IKBIP: variants seen among roughly 807,000 people sequenced by gnomAD.
IKBIP encodes the protein inhibitor of nuclear factor kappa-B kinase-interacting protein.
In IKBIP, 28 loss-of-function variants were observed where a neutral mutation model predicts 31.0. That is an observed-to-expected ratio of 0.90 (90% CI 0.67 to 1.24). The LOEUF (loss-of-function observed/expected upper bound fraction) is 1.24. Ranked by LOEUF, IKBIP falls within the 50% of genes most tolerant of loss-of-function variation. IKBIP has a pLI of 0.00. For synonymous variants in IKBIP, 164 were observed against 160.3 expected (o/e 1.02, Z -0.17); for missense variants, 453 against 441.9 (o/e 1.03, Z -0.23).
chr12:98,634,756 C>T (rs1206509970), intron 1 of IKBIP, among the ~76,000 whole-genome samples: 2 of 149,474 alleles, frequency 1.3e-5, no homozygotes, highest in Non-Finnish European at 3.0e-5. Context: ...GTCGCCCAGG[C>T]TGGAGTGCAG....
intron 1 of IKBIP, among the ~76,000 whole-genome samples, chr12:98,636,247 G>T (rs116653418): frequency 2.1e-4 from 32 of 152,278 alleles, no homozygotes; most frequent in African/African-American, 7.7e-4. Flanking sequence ...CTGATGCCTG[G>T]GTCTCACAAA....
intron 1 of IKBIP, among the ~76,000 whole-genome samples, chr12:98,641,147 A>T (rs2097630046): frequency 6.6e-6 from 1 of 152,192 alleles, no homozygotes; most frequent in South Asian, 2.1e-4. Context: ...CTTTCCACAT[A>T]GGAAATGGTC....
At chr12:98,620,093 ATTTTTTT>A (rs772601870), downstream of IKBIP, among the ~76,000 whole-genome samples, 1 of 95,046 alleles carries the variant, frequency 1.1e-5, no homozygotes, top group Admixed American at 1.1e-4. Context: ...TAAGTTTTCT[ATTTTTTT>A]TTTTTTTTTT....
At chr12:98,643,392 G>A (rs1374592100) in intron 1 of IKBIP, among the ~76,000 whole-genome samples, 2 of 152,022 alleles carry the variant, frequency 1.3e-5, no homozygotes, top group Admixed American at 6.5e-5. Flanking sequence ...ATTAACAACA[G>A]TCTTACTAAA....
chr12:98,641,838 G>A (rs1243657373), intron 1 of IKBIP, among the ~76,000 whole-genome samples: 1 of 151,986 alleles, frequency 6.6e-6, no homozygotes, highest in Admixed American at 6.6e-5. Flanking sequence ...AAAATTTTTC[G>A]TAGACACGGT....
In IKBIP at chr12:98,614,208, T is replaced by C. The variant is rs770489195; in HGVS notation, c.430A>G (p.Asn144Asp). Residue 144 changes from asparagine to aspartate, a missense_variant, in exon 3 of 3, where the codon AAC becomes GAC. Transcript: ENST00000342502. ...TGAGAAAGCGTCGTCAGACTGTTGT[T>C]CAGTATATCCTGTTTTTCAGTTATC... 6.2e-6 allele frequency: 10 copies of C among 1,613,996 alleles called. No homozygotes were observed. The Admixed American group carries it at 1.7e-4, about 27-fold the overall frequency.
intron 2 of IKBIP, 77 bp downstream of exon 2, chr12:98,634,219 T>C (rs921478776): frequency 6.9e-6 from 5 of 726,720 alleles, no homozygotes; most frequent in Admixed American, 2.3e-5. Flanking sequence ...AAGAAAGAAG[T>C]TCTGAGCTGG....
chr12:98,616,171 G>C (rs757379801), intron 2 of IKBIP, among the ~76,000 whole-genome samples: 1 of 151,264 alleles, frequency 6.6e-6, no homozygotes, highest in Non-Finnish European at 1.5e-5. Flanking sequence ...TTGTCTTTTT[G>C]ATAATAAATA....
intron 2 of IKBIP, among the ~76,000 whole-genome samples, chr12:98,632,935 C>T (rs1247715755): frequency 6.6e-6 from 1 of 152,008 alleles, no homozygotes; most frequent in East Asian, 1.9e-4. Flanking sequence ...GCTCAGATTC[C>T]AATTTGAGCC....
Position 98,644,786 on chromosome 12 carries a change from C to G in IKBIP, c.-85G>C. On this transcript the variant is annotated 5_prime_UTR_variant, in exon 1 of 3. Coordinates refer to ENST00000299157, the MANE Select transcript of IKBIP (RefSeq NM_153687.4). Reference sequence around the variant, plus strand: ...TGGCCGCCTTGGCGTTCGTGGGAACCCTGGGCGGTGACCGCGCCCCCTCAC... The same window carrying G: ...TGGCCGCCTTGGCGTTCGTGGGAACGCTGGGCGGTGACCGCGCCCCCTCAC... The G allele has an allele frequency of 4.1e-6, 6 of 1,469,336 alleles. No homozygotes were observed. The Admixed American group carries it at 9.1e-5, about 22-fold the overall frequency. 91.0% of individuals were successfully genotyped at this position (1,469,336 alleles called of 1,614,324 possible).
intron 2 of IKBIP, among the ~76,000 whole-genome samples, chr12:98,632,452 A>G (rs1179264630): frequency 8.1e-6 from 1 of 123,830 alleles, no homozygotes; most frequent in Non-Finnish European, 1.6e-5. Context: ...TGACAGAGTG[A>G]GAGCTGGGAT....
At chr12:98,638,896 C>T (rs1323492848) in intron 1 of IKBIP, among the ~76,000 whole-genome samples, 2 of 152,214 alleles carry the variant, frequency 1.3e-5, no homozygotes, top group African/African-American at 2.4e-5. Flanking sequence ...ATCCTCTCGC[C>T]TTGGCCTCCT....
chr12:98,632,512 A>AAAAATATATATATAT (rs1565842287), intron 2 of IKBIP, among the ~76,000 whole-genome samples: 1 of 22,792 alleles, frequency 4.4e-5, no homozygotes, highest in East Asian at 4.2e-3. Context: ...AAAAAAAAAA[A>AAAAATATATATATAT]ATATATATAT....
chr12:98,624,027 A>C (rs986357195), downstream of IKBIP, among the ~76,000 whole-genome samples: 10 of 151,304 alleles, frequency 6.6e-5, no homozygotes, highest in Admixed American at 2.6e-4. Context: ...TTATACTTGT[A>C]GAAGTGCAGT....
Position 98,624,393 on chromosome 12 carries a change from C to A in IKBIP, c.*1537G>T, listed in dbSNP as rs2097612380. 1.0e-6 allele frequency: 1 copy of A among 985,324 alleles called. No individual in the cohort carries two copies. Among genetic ancestry groups the A allele is most frequent in the Non-Finnish European group, 1.2e-6 (1 of 829,890 alleles). The allele number at this position is 985,324 out of a possible 1,614,324, so 61.0% of individuals were successfully genotyped here. A position where few individuals can be genotyped will look rare whatever the true frequency, so the allele number is the denominator to read the frequency against. On this transcript the variant is annotated 3_prime_UTR_variant, in exon 3 of 3. Coordinates refer to ENST00000299157, the MANE Select transcript of IKBIP (RefSeq NM_153687.4). ...AATGCTATGCCCCTTAATAACAGAACTCTCCAGGCTTATTTTCATGATTCA... is the reference window on the plus strand; with the variant it reads ...AATGCTATGCCCCTTAATAACAGAAATCTCCAGGCTTATTTTCATGATTCA...
chr12:98,644,467 C>T (rs1006122620), intron 1 of IKBIP, 56 bp downstream of exon 1: 2 of 1,494,590 alleles, frequency 1.3e-6, no homozygotes, highest in African/African-American at 2.8e-5. Flanking sequence ...CGGGTGGGAG[C>T]CCAAACAGCA....
chr12:98,627,644 C>T (rs7134707), intron 2 of IKBIP, among the ~76,000 whole-genome samples: 131,584 of 152,040 alleles, frequency 0.87, 57,182 homozygotes, highest in African/African-American at 0.94. Flanking sequence ...TTCACCGTGT[C>T]AGCGAGGATG....
intron 2 of IKBIP, among the ~76,000 whole-genome samples, chr12:98,614,998 T>C (rs1373702142): frequency 6.6e-6 from 1 of 152,200 alleles, no homozygotes; most frequent in Non-Finnish European, 1.5e-5. Context: ...GGAAGTTTCC[T>C]CCAGTTGAGC....
chr12:98,614,148 T>A, exon 3 of IKBIP: 1 of 1,613,650 alleles, frequency 6.2e-7, no homozygotes. Context: ...TCTTTTGCCA[T>A]GGAAGTTGTA....
Sources: allele counts gnomAD v4.1 joint callset (sites outside exome capture counted in the v4.1 genomes callset), GRCh38; gene constraint gnomAD v4.1.1; transcripts MANE v1.5; gene names NCBI Gene and HGNC (gene_info 2026-07-23, HGNC 2026-07-21).